Variants in VDAC3 observed in about 807,000 individuals in gnomAD.
The protein encoded by VDAC3 is voltage dependent anion channel 3.
Under a neutral mutation model 33.9 loss-of-function variants are expected in VDAC3, and 7 were observed. The observed-to-expected ratio is 0.21, with a 90% CI of 0.12 to 0.39. The LOEUF (loss-of-function observed/expected upper bound fraction) is 0.39. Among genes scored for constraint, VDAC3 ranks in the 10% least tolerant of loss-of-function variants. The probability of loss-of-function intolerance (pLI) is 1.00; values close to 1 mark genes in which losing one functional copy is unlikely to be tolerated. For missense variants in VDAC3, 261 were observed against 334.5 expected, an observed-to-expected ratio of 0.78 and a Z score of 1.71; for synonymous variants, 100 against 122.4, an observed-to-expected ratio of 0.82 and a Z score of 1.21.
chr8:42,398,906 C>G, intron 5 of VDAC3, 42 bp downstream of exon 5: 4 of 1,597,132 alleles, frequency 2.5e-6, no homozygotes, highest in Non-Finnish European at 3.4e-6. Context: ...TTCAATTTAT[C>G]TTGTAGATTG....
intron 3 of VDAC3, among the ~76,000 whole-genome samples, chr8:42,394,755 C>T (rs1421561102): frequency 6.6e-6 from 1 of 152,066 alleles, no homozygotes; most frequent in Non-Finnish European, 1.5e-5. Flanking sequence ...TTCTTATTAA[C>T]TAGTAATGTT....
chr8:42,399,786 A>G, intron 6 of VDAC3, 83 bp downstream of exon 6: 1 of 1,324,538 alleles, frequency 7.5e-7, no homozygotes. Context: ...TATAGTGCAA[A>G]GTTCAGAGGC....
At chr8:42,404,653 C>T (rs1053105586) in intron 8 of VDAC3, among the ~76,000 whole-genome samples, 7 of 146,142 alleles carry the variant, frequency 4.8e-5, no homozygotes, top group Non-Finnish European at 7.4e-5. Context: ...ACCCGGGAAG[C>T]GGAGGTTGCA....
At chr8:42,403,014 A>G in intron 7 of VDAC3, 1 of 350,220 alleles carries the variant, frequency 2.9e-6, no homozygotes, top group South Asian at 3.2e-5. Flanking sequence ...AGACCTATAG[A>G]TTATACTTAC....
chr8:42,393,076 TTC>T (rs1415632881), intron 1 of VDAC3, among the ~76,000 whole-genome samples: 1 of 152,200 alleles, frequency 6.6e-6, no homozygotes, highest in Non-Finnish European at 1.5e-5. Flanking sequence ...TAATTTTTTT[TTC>T]TTTTTAGTTT....
chr8:42,394,096 C>A, intron 2 of VDAC3, 114 bp from the exon 3 acceptor site: 1 of 903,174 alleles, frequency 1.1e-6, no homozygotes, highest in Non-Finnish European at 1.8e-6. Flanking sequence ...ATTAATGATA[C>A]ACAGGAAGAG....
At chr8:42,394,785 T>C (rs185566595) in intron 3 of VDAC3, among the ~76,000 whole-genome samples, 4 of 152,322 alleles carry the variant, frequency 2.6e-5, no homozygotes, top group African/African-American at 9.6e-5. Context: ...TTAAACGATA[T>C]ATATAGCAGC....
At chr8:42,400,211 G>A (rs758559676) in intron 6 of VDAC3, among the ~76,000 whole-genome samples, 16 of 151,706 alleles carry the variant, frequency 1.1e-4, no homozygotes, top group Non-Finnish European at 8.8e-5. Context: ...GGTGGTGGGC[G>A]CCTGTAGTCC....
intron 1 of VDAC3, among the ~76,000 whole-genome samples, chr8:42,392,393 C>A (rs1186434958): frequency 1.3e-5 from 2 of 152,250 alleles, no homozygotes; most frequent in Non-Finnish European, 2.9e-5. Context: ...ACCGGCTTAA[C>A]GCCTTTCCCC....
At chr8:42,398,422 T>G (rs1343356596) in intron 4 of VDAC3, among the ~76,000 whole-genome samples, 2 of 152,100 alleles carry the variant, frequency 1.3e-5, no homozygotes, top group Non-Finnish European at 2.9e-5. Flanking sequence ...GAGATGGGGT[T>G]TTGCCATGTT....
Position 42,393,847 on chromosome 8 carries a change from C to T in VDAC3, c.-40C>T, listed in dbSNP as rs571819033. The T allele has an allele frequency of 4.8e-6, 2 of 420,460 alleles. No individual in the cohort carries two copies. The highest frequency in any genetic ancestry group is 3.5e-5 in the East Asian group (1 of 28,890). 26.0% of individuals were successfully genotyped at this position (420,460 alleles called of 1,614,324 possible). A position where few individuals can be genotyped will look rare whatever the true frequency, so the allele number is the denominator to read the frequency against. The stretch of plus-strand genomic sequence containing the variant: ...ATTTCCATTGTTGTCTTATACAGGT[C>T]TTTGGTTTCATAAGAGCCTGAGAGA... On this transcript the variant is annotated splice_region_variant and 5_prime_UTR_variant, in exon 2 of 10. Coordinates refer to ENST00000022615, the MANE Select transcript of VDAC3 (RefSeq NM_005662.7).
At chr8:42,395,740 A>G (rs978034528) in intron 4 of VDAC3, among the ~76,000 whole-genome samples, 5 of 152,172 alleles carry the variant, frequency 3.3e-5, no homozygotes, top group Non-Finnish European at 4.4e-5. Context: ...TGGGCGGGTC[A>G]TGAGGTCAGG....
In VDAC3 at chr8:42,393,337, A is replaced by G. The variant is rs530019424; in HGVS notation, c.-42-508A>G. ...CTGGTACTCTGGATTTTTCTGACAT[A>G]TGGGCTAATGGCACTGCTAGAGGTG... is the stretch of plus-strand genomic sequence containing the variant. On this transcript the variant is annotated intron_variant, in intron 1 of 9. Coordinates refer to ENST00000022615, the MANE Select transcript of VDAC3 (RefSeq NM_005662.7). Among the ~76,000 whole-genome samples, 3 of 152,286 alleles carry G rather than the reference A, an allele frequency of 2.0e-5. No individual in the cohort carries two copies. The East Asian group carries it at 5.8e-4, about 29-fold the overall frequency.
chr8:42,400,626 T>C (rs1340618094), intron 6 of VDAC3, among the ~76,000 whole-genome samples: 1 of 152,008 alleles, frequency 6.6e-6, no homozygotes, highest in Non-Finnish European at 1.5e-5. Flanking sequence ...AACAGGTGTG[T>C]TCTTTTTGCC....
At chr8:42,393,202 A>T (rs1824901853) in intron 1 of VDAC3, among the ~76,000 whole-genome samples, 1 of 152,174 alleles carries the variant, frequency 6.6e-6, no homozygotes. Context: ...GTTTGGTATG[A>T]TGGGGTAGGC....
intron 5 of VDAC3, 87 bp from the exon 6 acceptor site, chr8:42,399,564 G>A (rs1338940949): frequency 1.6e-6 from 2 of 1,245,516 alleles, no homozygotes; most frequent in Non-Finnish European, 2.2e-6. Flanking sequence ...TTTTGTTAAA[G>A]AACTCAGGAA....
Position 42,405,653 on chromosome 8 carries a change from C to A in VDAC3, c.*191C>A. 1 of 536,930 alleles carries A rather than the reference C, an allele frequency of 1.9e-6. No homozygotes were observed. The highest frequency in any genetic ancestry group is 2.3e-5 in the South Asian group (1 of 44,086). 33.3% of individuals were successfully genotyped at this position (536,930 alleles called of 1,614,324 possible). On this transcript the variant is annotated 3_prime_UTR_variant, in exon 10 of 10. Coordinates refer to ENST00000022615, the MANE Select transcript of VDAC3 (RefSeq NM_005662.7). ...CCTGAGGGAGATGCTTGAAGGCATG[C>A]CTGGAAGTTGTCATGTTTGTGCCAC... is the stretch of plus-strand genomic sequence containing the variant.
At chr8:42,405,129 C>A (rs553241283) in intron 9 of VDAC3, among the ~76,000 whole-genome samples, 4 of 152,304 alleles carry the variant, frequency 2.6e-5, no homozygotes, top group African/African-American at 9.6e-5. Flanking sequence ...GTCACTTTGG[C>A]CTTTGAGTTT....
chr8:42,394,135 A>G (rs2130885278), intron 2 of VDAC3, 75 bp from the exon 3 acceptor site: 1 of 1,345,620 alleles, frequency 7.4e-7, no homozygotes, highest in Non-Finnish European at 1.1e-6. Flanking sequence ...TCACAGGATT[A>G]AACAGCAGAA....
Sources: gnomAD v4.1 joint callset for allele counts (sites outside exome capture counted in the v4.1 genomes callset) on GRCh38, gnomAD v4.1.1 for gene constraint, MANE v1.5 for transcripts, NCBI Gene and HGNC (gene_info 2026-07-23, HGNC 2026-07-21) for gene names.